Variants in JPT2 observed in about 807,000 individuals in gnomAD.
JPT2 encodes Jupiter microtubule associated homolog 2.
Under a neutral mutation model 15.9 loss-of-function variants are expected in JPT2, and 9 were observed. The ratio of observed to expected loss-of-function variants is 0.57; its 90% CI spans 0.34 to 0.99. The LOEUF is 0.99. Among genes scored for constraint, JPT2 ranks in the 50% least tolerant of loss-of-function variants. The pLI, the probability that JPT2 is intolerant of heterozygous loss-of-function variation, is 0.02. For missense variants in JPT2, 267 were observed against 252.1 expected, an observed-to-expected ratio of 1.06 and a Z score of -0.40; for synonymous variants, 95 against 91.7, an observed-to-expected ratio of 1.04 and a Z score of -0.21.
intron 1 of JPT2, among the ~76,000 whole-genome samples, chr16:1,678,769 G>A (rs2036995456): frequency 6.6e-6 from 1 of 151,804 alleles, no homozygotes; most frequent in Non-Finnish European, 1.5e-5. Context: ...CCATGTTCCC[G>A]GGGGGGTGTC....
chr16:1,684,537 TCGAGAC>T (rs2037049773), intron 1 of JPT2, among the ~76,000 whole-genome samples: 1 of 151,962 alleles, frequency 6.6e-6, no homozygotes, highest in Non-Finnish European at 1.5e-5. Context: ...GGTCAGGAGT[TCGAGAC>T]CAACCTGACC....
rs2142233601 is a variant in JPT2 at position 1,701,880 on chromosome 16, A to AG, written c.*2882_*2883insG. 1 of 293,108 alleles carries AG rather than the reference A, an allele frequency of 3.4e-6. No homozygotes were observed. The highest frequency in any genetic ancestry group is 7.9e-5 in the East Asian group (1 of 12,638). 18.2% of individuals were successfully genotyped at this position (293,108 alleles called of 1,614,324 possible). A position where few individuals can be genotyped will look rare whatever the true frequency, so the allele number is the denominator to read the frequency against. The stretch of plus-strand genomic sequence containing the variant: ...ACTACGACCCTGTCTATACAAAAAA[A>AG]AACTTCTCTAAATTAGCCGGATGTG... On this transcript the variant is annotated 3_prime_UTR_variant, in exon 5 of 5. Coordinates refer to ENST00000248098, the MANE Select transcript of JPT2 (RefSeq NM_144570.3).
At position 1,678,308 on chromosome 16, in the gene JPT2, T is replaced by G; in HGVS notation, c.-5T>G. On this transcript the variant is annotated 5_prime_UTR_variant, in exon 1 of 5. Transcript: ENST00000248098. ...CGCGGCGAGCTGAGGGTGGCGGCGG[T>G]CGACATGTTCCAGGTCCCGGATAGC... 8.1e-7 allele frequency: 1 copy of G among 1,237,132 alleles called. No individual in the cohort carries two copies. Among genetic ancestry groups the G allele is most frequent in the Non-Finnish European group, 1.0e-6 (1 of 987,460 alleles). 76.6% of individuals were successfully genotyped at this position (1,237,132 alleles called of 1,614,324 possible).
chr16:1,680,527 C>T lies in JPT2; in HGVS notation c.44+2171C>T, dbSNP rs1404633551. 3.3e-6 allele frequency: 4 copies of T among 1,213,106 alleles called. No individual in the cohort carries two copies. The East Asian group carries it at 2.7e-4, about 82-fold the overall frequency. The allele number at this position is 1,213,106 out of a possible 1,614,324, so 75.1% of individuals were successfully genotyped here. ...TCACTGGAAGCTTCTGCTTGGGGTC[C>T]ACCAGACGCTGCACATTTGCCACTC... On this transcript the variant is annotated intron_variant, in intron 1 of 4. Coordinates refer to ENST00000248098, the MANE Select transcript of JPT2 (RefSeq NM_144570.3).
intron 2 of JPT2, chr16:1,686,466 T>C (rs1188236970): frequency 6.5e-6 from 1 of 154,024 alleles, no homozygotes; most frequent in Non-Finnish European, 1.4e-5. Context: ...CCAAGGCAGG[T>C]GATCATGAGG....
chr16:1,702,273 A>G, downstream of JPT2: 1 of 429,158 alleles, frequency 2.3e-6, no homozygotes, highest in Non-Finnish European at 4.7e-6. Flanking sequence ...ACCAACATGC[A>G]TTAACTGAAA....
intron 1 of JPT2, among the ~76,000 whole-genome samples, chr16:1,681,611 C>T (rs1290892275): frequency 2.6e-5 from 4 of 152,200 alleles, no homozygotes; most frequent in Admixed American, 2.0e-4. Flanking sequence ...GCGTCTGTCA[C>T]GTCACTCACA....
chr16:1,679,904 A>G (rs2037008196), intron 1 of JPT2, among the ~76,000 whole-genome samples: 1 of 151,732 alleles, frequency 6.6e-6, no homozygotes, highest in Non-Finnish European at 1.5e-5. Flanking sequence ...AAAATACGAA[A>G]AAATTAGCCG....
intron 2 of JPT2, among the ~76,000 whole-genome samples, chr16:1,690,775 T>C (rs1172702397): frequency 6.6e-6 from 1 of 152,250 alleles, no homozygotes. Flanking sequence ...TGCACCCTTG[T>C]GTTTTCACTG....
intron 1 of JPT2, among the ~76,000 whole-genome samples, chr16:1,679,107 T>G (rs185317937): frequency 6.6e-6 from 1 of 152,326 alleles, no homozygotes; most frequent in Non-Finnish European, 1.5e-5. Context: ...TAAAGCACTC[T>G]TTGGGTATTG....
In JPT2 at chr16:1,699,185, A is replaced by G; in HGVS notation, c.*187A>G. On this transcript the variant is annotated 3_prime_UTR_variant, in exon 5 of 5. Coordinates refer to ENST00000248098, the MANE Select transcript of JPT2 (RefSeq NM_144570.3). ...CCCGTGCCTTCCAGATGGCTGGGAG[A>G]TGCCTCTGTGGGGATGAAATGGGGC... The G allele has an allele frequency of 1.5e-6, 1 of 670,696 alleles. No individual in the cohort carries two copies. Among genetic ancestry groups the G allele is most frequent in the South Asian group, 1.5e-5 (1 of 66,894 alleles). 41.5% of individuals were successfully genotyped at this position (670,696 alleles called of 1,614,324 possible).
At chr16:1,702,673 A>G (rs2037187110), downstream of JPT2, among the ~76,000 whole-genome samples, 1 of 152,064 alleles carries the variant, frequency 6.6e-6, no homozygotes. Context: ...CTGCACTCAT[A>G]ATCCTGACCA....
At chr16:1,681,343 G>A (rs556745746) in intron 1 of JPT2, among the ~76,000 whole-genome samples, 1 of 152,224 alleles carries the variant, frequency 6.6e-6, no homozygotes, top group African/African-American at 2.4e-5. Flanking sequence ...CTTGCCTGGG[G>A]CTGGGCCTGT....
chr16:1,702,366 T>C, downstream of JPT2: 1 of 313,740 alleles, frequency 3.2e-6, no homozygotes, highest in Non-Finnish European at 6.5e-6. Context: ...GTTTCCTATT[T>C]CTAGCAGCTG....
intron 2 of JPT2, chr16:1,686,165 G>C (rs755804660): frequency 1.3e-5 from 2 of 151,456 alleles, no homozygotes; most frequent in African/African-American, 2.4e-5. Context: ...GAGGTCAGGA[G>C]ATCGAGACCA....
rs747542219 is a variant in JPT2, at chr16:1,700,199, G to A, written c.*1201G>A. On this transcript the variant is annotated 3_prime_UTR_variant, in exon 5 of 5. Coordinates refer to ENST00000248098, the MANE Select transcript of JPT2 (RefSeq NM_144570.3). ...CTTCCAGAAGAGACTAGAGACCTTA[G>A]GCCAGGAGATGAAGGAGTTCAGTAG... 1 of 455,690 alleles carries A rather than the reference G, an allele frequency of 2.2e-6. No homozygotes were observed. The highest frequency in any genetic ancestry group is 1.5e-5 in the South Asian group (1 of 64,546). 28.2% of individuals were successfully genotyped at this position (455,690 alleles called of 1,614,324 possible). A position where few individuals can be genotyped will look rare whatever the true frequency, so the allele number is the denominator to read the frequency against.
At chr16:1,690,288 G>A (rs1424651736) in intron 2 of JPT2, 1 of 152,210 alleles carries the variant, frequency 6.6e-6, no homozygotes, top group Non-Finnish European at 1.5e-5. Context: ...GTGGAGCAGT[G>A]TGGATTGTTA....
intron 3 of JPT2, 86 bp from the exon 4 acceptor site, chr16:1,697,726 T>G: frequency 7.8e-7 from 1 of 1,280,614 alleles, no homozygotes; most frequent in Non-Finnish European, 1.1e-6. Context: ...AATTAAAAGG[T>G]TATATGGTCC....
chr16:1,687,009 G>A (rs1221470209), intron 2 of JPT2, among the ~76,000 whole-genome samples: 1 of 152,314 alleles, frequency 6.6e-6, no homozygotes, highest in South Asian at 2.1e-4. Flanking sequence ...TTGAGACGGG[G>A]TCTCACTCTG....
Sources: allele counts gnomAD v4.1 joint callset (sites outside exome capture counted in the v4.1 genomes callset), GRCh38; gene constraint gnomAD v4.1.1; transcripts MANE v1.5; gene names NCBI Gene and HGNC (gene_info 2026-07-23, HGNC 2026-07-21).